The following KIAA0586 variants were observed in gnomAD, a reference collection of about 807,000 sequenced individuals.
KIAA0586 encodes the protein KIAA0586.
Under a neutral mutation model 169.8 loss-of-function variants are expected in KIAA0586, and 144 were observed. The observed-to-expected ratio is 0.85, with a 90% CI of 0.74 to 0.97. The LOEUF (loss-of-function observed/expected upper bound fraction) is 0.97. Among genes scored for constraint, KIAA0586 ranks in the 50% least tolerant of loss-of-function variants. The pLI is 0.00. For missense variants in KIAA0586, 1,854 were observed against 1,823.0 expected, an observed-to-expected ratio of 1.02 and a Z score of -0.31; for synonymous variants, 625 against 612.4, an observed-to-expected ratio of 1.02 and a Z score of -0.30.
At chr14:58,463,994 C>A in intron 14 of KIAA0586, 1 of 455,444 alleles carries the variant, frequency 2.2e-6, no homozygotes, top group Non-Finnish European at 4.5e-6. Flanking sequence ...GGTGTAGACA[C>A]CCCTGCAGCA....
Position 58,547,942 on chromosome 14 carries a change from G to A in KIAA0586, c.*10G>A, listed in dbSNP as rs1280881561. 1.1e-5 allele frequency: 17 copies of A among 1,613,186 alleles called. No individual in the cohort carries two copies. The highest frequency in any genetic ancestry group is 1.4e-5 in the Non-Finnish European group (17 of 1,179,554). The stretch of plus-strand genomic sequence containing the variant: ...GGCAGATACCTTCTGAACGGGAAGA[G>A]ACAGCCAGCACAGTGTTTATGCCAC... On this transcript the variant is annotated 3_prime_UTR_variant, in exon 31 of 31. Coordinates refer to ENST00000652326, the MANE Select transcript of KIAA0586 (RefSeq NM_001329943.3).
rs747369794 is a variant in KIAA0586 at position 58,482,586 on chromosome 14, A to C, written c.3018A>C (p.Lys1006Asn). 3 of 1,605,312 alleles carry C rather than the reference A, an allele frequency of 1.9e-6. No homozygotes were observed. In the Admixed American group the frequency reaches 5.1e-5, roughly 27 times the overall value. Residue 1006 changes from lysine to asparagine, a missense_variant, in exon 21 of 31, where the codon AAA becomes AAC. Physicochemically the swap from Lys to Asn is moderately conservative, Grantham distance 94. Transcript: ENST00000652326. ...TTCCTGTGAACTCAAATGTGATTAA[A>C]CATTTTGTTAACGAAGCTCTTGCTG... ...AGVPVNSNVI[K>N]HFVNEALAET...
At position 58,453,388 on chromosome 14, in the gene KIAA0586, G is replaced by A; in HGVS notation, c.1168G>A (p.Asp390Asn). Residue 390 changes from aspartate (D) to asparagine (N), a missense_variant, in exon 9 of 31, where the codon GAT (aspartate) becomes AAT (asparagine). By Grantham distance (23) the Asp-to-Asn change is conservative (BLOSUM62 1). Transcript: ENST00000652326. Reference sequence around the variant, plus strand: ...ATTGGAACAAATTTTGAATAATAATGATTCTTTGACAAGAAAAAGTGAATC... The same window carrying A: ...ATTGGAACAAATTTTGAATAATAATAATTCTTTGACAAGAAAAAGTGAATC... Reference protein sequence around the residue: ...RLLEQILNNNDSLTRKSESSN... With the variant: ...RLLEQILNNNNSLTRKSESSN... 1.4e-6 allele frequency: 2 copies of A among 1,425,320 alleles called. No individual in the cohort carries two copies. The highest frequency in any genetic ancestry group is 1.9e-6 in the Non-Finnish European group (2 of 1,046,812). The allele number at this position is 1,425,320 out of a possible 1,614,324, so 88.3% of individuals were successfully genotyped here. A position where few individuals can be genotyped will look rare whatever the true frequency, so the allele number is the denominator to read the frequency against.
chr14:58,497,324 T>C (rs1222325108), intron 26 of KIAA0586, among the ~76,000 whole-genome samples: 1 of 151,966 alleles, frequency 6.6e-6, no homozygotes, highest in Non-Finnish European at 1.5e-5. Flanking sequence ...AAAATAACAT[T>C]ATTAAATATG....
intron 4 of KIAA0586, among the ~76,000 whole-genome samples, chr14:58,434,687 T>A (rs1430907395): frequency 6.6e-6 from 1 of 152,226 alleles, no homozygotes; most frequent in Non-Finnish European, 1.5e-5. Flanking sequence ...TGCAGCAATG[T>A]TTTAAAAATG....
chr14:58,431,437 A>G (rs990333664), intron 3 of KIAA0586, among the ~76,000 whole-genome samples: 3 of 146,750 alleles, frequency 2.0e-5, no homozygotes, highest in Non-Finnish European at 4.5e-5. Context: ...TAATTTTTCT[A>G]TTTTTTTTTT....
chr14:58,446,079 A>C (rs1043579921), intron 6 of KIAA0586, among the ~76,000 whole-genome samples: 1 of 151,520 alleles, frequency 6.6e-6, no homozygotes, highest in Non-Finnish European at 1.5e-5. Flanking sequence ...CATGTTGGCC[A>C]GGTTGGTCTC....
intron 29 of KIAA0586, among the ~76,000 whole-genome samples, chr14:58,529,151 C>G (rs2139985059): frequency 6.6e-6 from 1 of 152,216 alleles, no homozygotes; most frequent in East Asian, 1.9e-4. Flanking sequence ...CAAGACTAAA[C>G]CAGGAAGAGG....
At chr14:58,520,325 A>G (rs531413301) in intron 29 of KIAA0586, among the ~76,000 whole-genome samples, 2 of 152,102 alleles carry the variant, frequency 1.3e-5, no homozygotes, top group Non-Finnish European at 2.9e-5. Flanking sequence ...AAGAAACTCC[A>G]TATCTATTAG....
intron 9 of KIAA0586, among the ~76,000 whole-genome samples, chr14:58,455,655 T>C (rs749426809): frequency 4.0e-5 from 6 of 151,394 alleles, no homozygotes; most frequent in Non-Finnish European, 8.8e-5. Context: ...AGTCTCCCTC[T>C]CTTTGCCATG....
intron 29 of KIAA0586, among the ~76,000 whole-genome samples, chr14:58,514,806 A>G (rs778711340): frequency 2.0e-5 from 3 of 152,060 alleles, no homozygotes; most frequent in Non-Finnish European, 2.9e-5. Flanking sequence ...TGATTAATGT[A>G]TCTAACAGTT....
intron 16 of KIAA0586, among the ~76,000 whole-genome samples, chr14:58,470,283 G>A (rs2041108268): frequency 2.6e-5 from 4 of 151,946 alleles, no homozygotes; most frequent in Admixed American, 2.6e-4. Context: ...TATGGTTCTT[G>A]TAATCAAAAT....
At chr14:58,494,317 T>C (rs548767096) in intron 26 of KIAA0586, among the ~76,000 whole-genome samples, 9 of 37,292 alleles carry the variant, frequency 2.4e-4, no homozygotes, top group Admixed American at 5.3e-4. Flanking sequence ...CTTGACATTC[T>C]TGTTTTTTGT....
Position 58,490,195 on chromosome 14 carries a change from C to T in KIAA0586, c.3813C>T (p.Asn1271=), listed in dbSNP as rs1160924805. Residue 1271 remains asparagine, a synonymous_variant, in exon 25 of 31, where the codon AAC becomes AAT. Coordinates refer to ENST00000652326, the MANE Select transcript of KIAA0586 (RefSeq NM_001329943.3). The stretch of plus-strand genomic sequence containing the variant: ...AAGATATAGGACTGTACCTGACAAA[C>T]CTTAATGATAGCTTATCCAGCACTC... ...ILEDIGLYLT[N]LNDSLSSTLH... 19 of 1,535,290 alleles carry T rather than the reference C, an allele frequency of 1.2e-5. No individual in the cohort carries two copies. The highest frequency in any genetic ancestry group is 7.8e-5 in the Admixed American group (4 of 51,196).
At position 58,532,494 on chromosome 14, in the gene KIAA0586, G is replaced by T. The variant is rs183387570; in HGVS notation, c.4430-7577G>T. The stretch of plus-strand genomic sequence containing the variant: ...CTCATATACCATAGTAATTTTTACA[G>T]TTCCACAGATGAAAATGAAATGAAA... On this transcript the variant is annotated intron_variant, in intron 29 of 30. Coordinates refer to ENST00000652326, the MANE Select transcript of KIAA0586 (RefSeq NM_001329943.3). 3.9e-5 allele frequency among the ~76,000 whole-genome samples: 6 copies of T among 152,276 alleles called. No homozygotes were observed. The East Asian group carries it at 1.2e-3, about 29-fold the overall frequency.
chr14:58,531,856 T>A (rs2140015484), intron 29 of KIAA0586, among the ~76,000 whole-genome samples: 1 of 152,214 alleles, frequency 6.6e-6, no homozygotes, highest in South Asian at 2.1e-4. Flanking sequence ...TGCAGCCATG[T>A]GTATTATGAC....
At chr14:58,467,987 C>A (rs781452457) in intron 16 of KIAA0586, 65 bp downstream of exon 16, 4 of 1,019,770 alleles carry the variant, frequency 3.9e-6, no homozygotes, top group Admixed American at 2.4e-5. Context: ...AACGTTAGTA[C>A]GGAAATCCAT....
chr14:58,520,657 G>T (rs1413696806), intron 29 of KIAA0586, among the ~76,000 whole-genome samples: 1 of 151,966 alleles, frequency 6.6e-6, no homozygotes, highest in Non-Finnish European at 1.5e-5. Flanking sequence ...TGAGTAGCTG[G>T]GATGGCAGGC....
At position 58,467,840 on chromosome 14, in the gene KIAA0586, T is replaced by C. The variant is rs1311053127; in HGVS notation, c.2360T>C (p.Val787Ala). Residue 787 changes from valine (V) to alanine (A), a missense_variant, in exon 16 of 31, where the codon GTA becomes GCA. Coordinates refer to ENST00000652326, the MANE Select transcript of KIAA0586 (RefSeq NM_001329943.3). The stretch of plus-strand genomic sequence containing the variant: ...TCTATTCCTCCATCATCTCGAAAAG[T>C]AGAAACTGGAGTAAAGAAACCTAAC... ...TTSIPPSSRK[V>A]ETGVKKPNIA... 1 of 1,613,520 alleles carries C rather than the reference T, an allele frequency of 6.2e-7. No individual in the cohort carries two copies. The highest frequency in any genetic ancestry group is 8.5e-7 in the Non-Finnish European group (1 of 1,179,686).
Sources: gnomAD v4.1 joint callset for allele counts (sites outside exome capture counted in the v4.1 genomes callset) on GRCh38, gnomAD v4.1.1 for gene constraint, MANE v1.5 for transcripts, NCBI Gene and HGNC (gene_info 2026-07-23, HGNC 2026-07-21) for gene names.